The following FAM120A variants were observed in gnomAD, a reference collection of about 807,000 sequenced individuals.
FAM120A encodes the protein constitutive coactivator of PPAR-gamma-like protein 1.
A neutral mutation model predicts 109.7 loss-of-function variants in FAM120A; 15 were observed. The ratio of observed to expected loss-of-function variants is 0.14; its 90% CI spans 0.09 to 0.21. The LOEUF (loss-of-function observed/expected upper bound fraction) is 0.21, where lower values mean the gene tolerates loss of function less well. FAM120A is among the 10% of genes least tolerant of loss of function. The pLI, the probability that FAM120A is intolerant of heterozygous loss-of-function variation, is 1.00. For missense variants in FAM120A, 899 were observed against 1,439.3 expected (o/e 0.62, Z 6.07); for synonymous variants, 493 against 572.8 (o/e 0.86, Z 1.99).
chr9:93,462,178 T>TA (rs1280702444), intron 1 of FAM120A, among the ~76,000 whole-genome samples: 2 of 152,224 alleles, frequency 1.3e-5, no homozygotes, highest in African/African-American at 2.4e-5. Flanking sequence ...GACAGGGAGA[T>TA]ACCCTTCTTT....
At chr9:93,482,690 T>A (rs997843417) in intron 3 of FAM120A, among the ~76,000 whole-genome samples, 7 of 152,138 alleles carry the variant, frequency 4.6e-5, no homozygotes, top group Non-Finnish European at 4.4e-5. Flanking sequence ...CTGGCCTTCT[T>A]ATCGCAGGGA....
intron 1 of FAM120A, chr9:93,453,583 A>C (rs938659172): frequency 1.0e-6 from 1 of 985,282 alleles, no homozygotes; most frequent in Non-Finnish European, 1.2e-6. Context: ...GTTAAGCCTA[A>C]AATGATAGCG....
Position 93,557,919 on chromosome 9 carries a change from G to A in FAM120A, c.2577G>A (p.Pro859=), listed in dbSNP as rs148046840. 170 of 1,610,724 alleles carry A rather than the reference G, an allele frequency of 1.1e-4. 1 individual carries two copies. The highest frequency in any genetic ancestry group is 7.2e-4 in the African/African-American group (54 of 75,050). ...SRQSHTLPFP[P]PPALPFYPAS... ...AGAGCCACACGCTCCCTTTCCCGCC[G>A]CCACCTGCCCTGCCCTTCTACCCTG... Residue 859 remains proline, a synonymous_variant, in exon 14 of 18, where the codon CCG becomes CCA. Coordinates refer to ENST00000277165, the MANE Select transcript of FAM120A (RefSeq NM_014612.5).
chr9:93,474,945 A>G (rs1858484005), intron 2 of FAM120A, among the ~76,000 whole-genome samples: 1 of 152,174 alleles, frequency 6.6e-6, no homozygotes, highest in Non-Finnish European at 1.5e-5. Context: ...ACGGGAAAAC[A>G]ATATCAAGCC....
chr9:93,454,518 C>G (rs1208121998), intron 1 of FAM120A, among the ~76,000 whole-genome samples: 1 of 152,132 alleles, frequency 6.6e-6, no homozygotes, highest in Non-Finnish European at 1.5e-5. Flanking sequence ...TTCTAACAAG[C>G]TTGGTTATCT....
At chr9:93,504,473 T>C (rs1859945725) in intron 5 of FAM120A, among the ~76,000 whole-genome samples, 2 of 152,250 alleles carry the variant, frequency 1.3e-5, no homozygotes, top group African/African-American at 4.8e-5. Context: ...CAATTTTGTA[T>C]TAGTTATTCT....
At chr9:93,534,053 C>T (rs552220372) in intron 10 of FAM120A, among the ~76,000 whole-genome samples, 11 of 152,290 alleles carry the variant, frequency 7.2e-5, no homozygotes, top group African/African-American at 2.2e-4. Context: ...GTACCAAACA[C>T]GCCCAGGAAG....
chr9:93,478,277 A>T (rs58907007), intron 3 of FAM120A, among the ~76,000 whole-genome samples: 6,464 of 148,894 alleles, frequency 0.043, 471 homozygotes, highest in African/African-American at 0.16. Context: ...AGTCATTTAT[A>T]GGTTTTTTTT....
chr9:93,556,301 T>G, intron 12 of FAM120A, 81 bp from the exon 13 acceptor site: 1 of 1,171,068 alleles, frequency 8.5e-7, no homozygotes, highest in Admixed American at 1.8e-5. Flanking sequence ...CTGTTAACTT[T>G]GGAGAGTTTT....
At chr9:93,542,507 C>G (rs1861740806) in intron 10 of FAM120A, among the ~76,000 whole-genome samples, 1 of 152,184 alleles carries the variant, frequency 6.6e-6, no homozygotes, top group South Asian at 2.1e-4. Context: ...AGTGAAACAT[C>G]TGTGGATAAA....
intron 1 of FAM120A, among the ~76,000 whole-genome samples, chr9:93,453,905 C>G (rs16909145): frequency 0.032 from 4,821 of 152,264 alleles, 114 homozygotes; most frequent in African/African-American, 0.056. Context: ...CACTGACTTG[C>G]CTTTGGTAAC....
intron 7 of FAM120A, among the ~76,000 whole-genome samples, chr9:93,518,587 G>A (rs1045374072): frequency 6.6e-6 from 1 of 152,212 alleles, no homozygotes; most frequent in Admixed American, 6.5e-5. Context: ...GGAGTGATGA[G>A]GTCTGTGCGC....
At position 93,489,098 on chromosome 9, in the gene FAM120A, C is replaced by T. The variant is rs58541735; in HGVS notation, c.805-8373C>T. On this transcript the variant is annotated intron_variant, in intron 3 of 17. Coordinates refer to ENST00000277165, the MANE Select transcript of FAM120A (RefSeq NM_014612.5). ...AATATTGGAAGAAAAAGGAATTCACCGTCTACCATCTTTTCATTAAATAAG... is the reference window on the plus strand; with the variant it reads ...AATATTGGAAGAAAAAGGAATTCACTGTCTACCATCTTTTCATTAAATAAG... Among the ~76,000 whole-genome samples, 293 of 151,830 alleles carry T rather than the reference C, an allele frequency of 1.9e-3. 6 individuals are homozygous for T. In the East Asian group the frequency reaches 0.051, roughly 26 times the overall value.
intron 7 of FAM120A, among the ~76,000 whole-genome samples, chr9:93,521,314 T>C (rs1860835458): frequency 6.6e-6 from 1 of 152,168 alleles, no homozygotes; most frequent in South Asian, 2.1e-4. Flanking sequence ...TAAAACAGTT[T>C]GGCAATAAAA....
chr9:93,488,707 C>T (rs1169505984), intron 3 of FAM120A, among the ~76,000 whole-genome samples: 1 of 152,108 alleles, frequency 6.6e-6, no homozygotes, highest in Non-Finnish European at 1.5e-5. Flanking sequence ...ACCACCGACC[C>T]TGCCATTCAT....
chr9:93,561,195 G>T lies in FAM120A; in HGVS notation c.2893G>T (p.Gly965Trp). Reference sequence around the variant, plus strand: ...TTGGGCTGGGAGCAGGCGGGGCCGTGGGGGCCGGGGGCCTTTCCCCCTGCA... The same window carrying T: ...TTGGGCTGGGAGCAGGCGGGGCCGTTGGGGCCGGGGGCCTTTCCCCCTGCA... ...GHWAGSRRGR[G>W]GRGPFPLQVV... The change falls in exon 16 of 18, where the codon GGG (glycine) becomes TGG (tryptophan). Residue 965 changes from glycine (G) to tryptophan (W), a missense_variant. Gly to Trp is a radical substitution (Grantham distance 184). Transcript: ENST00000277165. 5 of 1,613,434 alleles carry T rather than the reference G, an allele frequency of 3.1e-6. No individual in the cohort carries two copies. Among genetic ancestry groups the T allele is most frequent in the South Asian group, 2.2e-5 (2 of 90,956 alleles).
intron 5 of FAM120A, among the ~76,000 whole-genome samples, chr9:93,515,248 G>C (rs1228606141): frequency 6.6e-6 from 1 of 152,256 alleles, no homozygotes; most frequent in Non-Finnish European, 1.5e-5. Context: ...GAAACTGTTC[G>C]GTCCGACTTT....
At chr9:93,494,151 C>T (rs1262973169) in intron 3 of FAM120A, among the ~76,000 whole-genome samples, 4 of 152,182 alleles carry the variant, frequency 2.6e-5, no homozygotes, top group Admixed American at 6.5e-5. Flanking sequence ...TGCAGCTTTG[C>T]GAGCTCTTTC....
intron 7 of FAM120A, among the ~76,000 whole-genome samples, chr9:93,519,621 C>A (rs190155713): frequency 9.9e-5 from 15 of 152,262 alleles, no homozygotes; most frequent in East Asian, 3.9e-4. Flanking sequence ...GTGACCCCAC[C>A]TGCTGCACTC....
Sources: gnomAD v4.1 joint callset for allele counts (sites outside exome capture counted in the v4.1 genomes callset) on GRCh38, gnomAD v4.1.1 for gene constraint, MANE v1.5 for transcripts, NCBI Gene and HGNC (gene_info 2026-07-23, HGNC 2026-07-21) for gene names.